The following SLC4A8 variants were observed in gnomAD, a reference collection of about 807,000 sequenced individuals.
SLC4A8 encodes the protein electroneutral sodium bicarbonate exchanger 1.
A neutral mutation model predicts 125.0 loss-of-function variants in SLC4A8; 40 were observed. The ratio of observed to expected loss-of-function variants is 0.32; its 90% CI spans 0.25 to 0.42. The LOEUF is 0.42. Among genes scored for constraint, SLC4A8 ranks in the 10% least tolerant of loss-of-function variants. The pLI is 1.00. For synonymous variants in SLC4A8, 456 were observed against 476.0 expected, an observed-to-expected ratio of 0.96 and a Z score of 0.55; for missense variants, 863 against 1,355.1, an observed-to-expected ratio of 0.64 and a Z score of 5.70.
chr12:51,480,657 C>A (rs910857149), intron 16 of SLC4A8: 13 of 983,880 alleles, frequency 1.3e-5, no homozygotes, highest in Non-Finnish European at 1.4e-5. Context: ...GCCCGTGTAA[C>A]TAATCAGAAA....
At chr12:51,500,812 G>A (rs1223555363) in intron 22 of SLC4A8, among the ~76,000 whole-genome samples, 4 of 149,580 alleles carry the variant, frequency 2.7e-5, no homozygotes, top group African/African-American at 2.5e-5. Context: ...TCAGCCTCCC[G>A]AGTAGTCGGG....
At chr12:51,504,500 AG>A (rs1329433631) in intron 23 of SLC4A8, among the ~76,000 whole-genome samples, 31 of 152,242 alleles carry the variant, frequency 2.0e-4, no homozygotes, top group African/African-American at 6.8e-4. Context: ...ATTTATCCAA[AG>A]TTACAATGTT....
chr12:51,428,330 G>C (rs761641874), intron 1 of SLC4A8, among the ~76,000 whole-genome samples: 5 of 152,150 alleles, frequency 3.3e-5, no homozygotes, highest in Non-Finnish European at 7.4e-5. Context: ...CAGGGGACAA[G>C]CAGAAAATCT....
At chr12:51,477,328 G>T (rs1950886363) in intron 16 of SLC4A8, among the ~76,000 whole-genome samples, 1 of 152,198 alleles carries the variant, frequency 6.6e-6, no homozygotes, top group South Asian at 2.1e-4. Flanking sequence ...TGATGGTTTG[G>T]TTTTTAAAGG....
At chr12:51,506,162 A>G (rs960360507) in intron 24 of SLC4A8, among the ~76,000 whole-genome samples, 5 of 152,230 alleles carry the variant, frequency 3.3e-5, no homozygotes, top group African/African-American at 9.7e-5. Context: ...CAAGGTCAGG[A>G]AGGGATTATT....
Position 51,453,707 on chromosome 12 carries a change from TG to T in SLC4A8, c.574+12del. On this transcript the variant is annotated intron_variant, in intron 5 of 24. Coordinates refer to ENST00000453097, the MANE Select transcript of SLC4A8 (RefSeq NM_001039960.3). ...GCATAGAAGAAATTTCAGGTAAGGT[TG>T]GGGAAGGGAAAACAGAGCAACTTTC... 1 of 1,608,758 alleles carries T rather than the reference TG, an allele frequency of 6.2e-7. No individual in the cohort carries two copies. Among genetic ancestry groups the T allele is most frequent in the Non-Finnish European group, 8.5e-7 (1 of 1,176,628 alleles).
chr12:51,397,088 C>T (rs549298188), intron 1 of SLC4A8, among the ~76,000 whole-genome samples: 44 of 151,468 alleles, frequency 2.9e-4, no homozygotes, highest in Middle Eastern at 3.4e-3. Flanking sequence ...TGCCACCACA[C>T]CCGGCTAATT....
At chr12:51,458,222 A>G (rs1950216064) in intron 6 of SLC4A8, among the ~76,000 whole-genome samples, 2 of 152,200 alleles carry the variant, frequency 1.3e-5, no homozygotes, top group South Asian at 4.1e-4. Flanking sequence ...CACCATGTGC[A>G]GGGGATATGC....
chr12:51,493,749 G>C lies in SLC4A8; in HGVS notation c.2746G>C (p.Val916Leu). 6.2e-7 allele frequency: 1 copy of C among 1,608,284 alleles called. No homozygotes were observed. Among genetic ancestry groups the C allele is most frequent in the Non-Finnish European group, 8.5e-7 (1 of 1,174,612 alleles). The change falls in exon 20 of 25, where the codon GTT becomes CTT. Residue 916 changes from valine (V) to leucine (L), a missense_variant. Around this residue, in one of 6 missense-constraint regions of SLC4A8, gnomAD observed 197 missense variants for 377.7 expected, o/e 0.52. Coordinates refer to ENST00000453097, the MANE Select transcript of SLC4A8 (RefSeq NM_001039960.3). ...CTACGGAGTTTTCCTTTACATGGGA[G>C]TTTCTTCACTACAGGGAATTCAGGT... The part of the protein sequence containing the change: ...VLYGVFLYMG[V>L]SSLQGIQFFD...
chr12:51,457,682 G>T, intron 6 of SLC4A8, 143 bp downstream of exon 6: 1 of 715,388 alleles, frequency 1.4e-6, no homozygotes, highest in Non-Finnish European at 2.3e-6. Context: ...TTGGAGACTG[G>T]TAAGATTGGT....
intron 3 of SLC4A8, among the ~76,000 whole-genome samples, chr12:51,451,476 A>T (rs1208161835): frequency 6.6e-6 from 1 of 152,230 alleles, no homozygotes; most frequent in African/African-American, 2.4e-5. Flanking sequence ...TATGGTCATA[A>T]TACAAATTAT....
At position 51,496,897 on chromosome 12, in the gene SLC4A8, C is replaced by T; in HGVS notation, c.2944-90C>T. The T allele has an allele frequency of 2.3e-6, 3 of 1,305,290 alleles. No individual in the cohort carries two copies. In the South Asian group the frequency reaches 3.9e-5, roughly 17 times the overall value. The allele number at this position is 1,305,290 out of a possible 1,614,324, so 80.9% of individuals were successfully genotyped here. On this transcript the variant is annotated intron_variant, in intron 21 of 24. Coordinates refer to ENST00000453097, the MANE Select transcript of SLC4A8 (RefSeq NM_001039960.3). ...ATGAGTTTGATTTTGCTTGAAATGTCCTAGTCTGCTGTGAAAATAAGGCTT... is the reference window on the plus strand; with the variant it reads ...ATGAGTTTGATTTTGCTTGAAATGTTCTAGTCTGCTGTGAAAATAAGGCTT...
chr12:51,462,491 CACTT>C, intron 10 of SLC4A8, 35 bp downstream of exon 10: 1 of 1,511,820 alleles, frequency 6.6e-7, no homozygotes, highest in African/African-American at 1.4e-5. Flanking sequence ...TGGCTATTGT[CACTT>C]ACTGACTGCC....
chr12:51,455,767 G>A (rs187425886), intron 5 of SLC4A8, among the ~76,000 whole-genome samples: 20 of 152,230 alleles, frequency 1.3e-4, no homozygotes, highest in African/African-American at 4.6e-4. Flanking sequence ...ATGGGACATT[G>A]GGCCCCCCTC....
At chr12:51,409,645 A>C (rs1948558995) in intron 1 of SLC4A8, among the ~76,000 whole-genome samples, 1 of 152,130 alleles carries the variant, frequency 6.6e-6, no homozygotes, top group Non-Finnish European at 1.5e-5. Context: ...GAACTCCTGG[A>C]CTCAAGGGAT....
intron 14 of SLC4A8, among the ~76,000 whole-genome samples, chr12:51,471,750 G>A (rs548540747): frequency 1.3e-5 from 2 of 152,276 alleles, no homozygotes; most frequent in South Asian, 4.1e-4. Context: ...AACACGAAGG[G>A]GACTCAAGAA....
chr12:51,474,226 A>G, intron 14 of SLC4A8, 116 bp from the exon 15 acceptor site: 1 of 603,820 alleles, frequency 1.7e-6, no homozygotes, highest in African/African-American at 1.8e-5. Context: ...TCAGGTCTGA[A>G]GTATGCAAAG....
chr12:51,393,392 G>A (rs1353812810), intron 1 of SLC4A8, among the ~76,000 whole-genome samples: 1 of 152,164 alleles, frequency 6.6e-6, no homozygotes, highest in African/African-American at 2.4e-5. Context: ...ACCGAGTCCA[G>A]CCATGAATTT....
At chr12:51,445,555 A>C (rs1301330214) in intron 2 of SLC4A8, among the ~76,000 whole-genome samples, 2 of 150,554 alleles carry the variant, frequency 1.3e-5, no homozygotes, top group African/African-American at 2.4e-5. Flanking sequence ...GTCCTTGTAC[A>C]TCTCCTTTCC....
Sources: allele counts gnomAD v4.1 joint callset (sites outside exome capture counted in the v4.1 genomes callset), GRCh38; gene constraint gnomAD v4.1.1; regional missense constraint gnomAD v4.1.1; transcripts MANE v1.5; gene names NCBI Gene and HGNC (gene_info 2026-07-23, HGNC 2026-07-21).